CSDE1: variants seen among roughly 807,000 people sequenced by gnomAD.
CSDE1 encodes cold shock domain-containing protein E1.
A neutral mutation model predicts 89.3 loss-of-function variants in CSDE1; 17 were observed. The ratio of observed to expected loss-of-function variants is 0.19; its 90% CI spans 0.13 to 0.29. The LOEUF (loss-of-function observed/expected upper bound fraction) is 0.29. Ranked by LOEUF, CSDE1 falls within the 10% of genes least tolerant of loss-of-function variation. The probability of loss-of-function intolerance (pLI) is 1.00; values close to 1 mark genes in which losing one functional copy is unlikely to be tolerated. For synonymous variants in CSDE1, 322 were observed against 332.8 expected (o/e 0.97, Z 0.35); for missense variants, 672 against 984.2 (o/e 0.68, Z 4.24).
intron 1 of CSDE1, among the ~76,000 whole-genome samples, chr1:114,750,839 G>A (rs755952687): frequency 2.0e-5 from 3 of 152,240 alleles, no homozygotes; most frequent in Non-Finnish European, 4.4e-5. Context: ...AGTCAAGCGA[G>A]AATATGCCAC....
At position 114,738,695 on chromosome 1, in the gene CSDE1, CAG is replaced by C. The variant is rs1294955732; in HGVS notation, c.200-625_200-624del. On this transcript the variant is annotated intron_variant, in intron 3 of 19. Transcript: ENST00000358528. ...TTTTTTTTTTTTTTTTTTTTTGAGA[CAG>C]AGTCTCCCTGTCACCCAAGCTGGAG... is the stretch of plus-strand genomic sequence containing the variant. Among the ~76,000 whole-genome samples the C allele has an allele frequency of 4.2e-3, 353 of 84,306 alleles. 5 individuals are homozygous for C. The highest frequency in any genetic ancestry group is 0.017 in the African/African-American group (334 of 19,362). The allele number at this position is 84,306 out of a possible 152,430, so 55.3% of individuals were successfully genotyped here.
chr1:114,734,694 T>C (rs997737224), intron 6 of CSDE1, among the ~76,000 whole-genome samples, 171 bp from the exon 7 acceptor site: 2 of 152,252 alleles, frequency 1.3e-5, no homozygotes, highest in African/African-American at 4.8e-5. Flanking sequence ...TGGCTTTATA[T>C]GCAAAGGACT....
In CSDE1 at chr1:114,730,510, G is replaced by C; in HGVS notation, c.1189C>G (p.Pro397Ala). ...AACTTTTCTCAGAAACAACTCACAG[G>C]AACCACAGTAAACTCTACTTCATCT... ...IADEVEFTVV[P>A]DMLSAQRNHA... The change falls in exon 11 of 20, where the codon CCT becomes GCT. Residue 397 changes from proline to alanine, a missense_variant and splice_region_variant. Pro to Ala is a conservative substitution (Grantham distance 27). Transcript: ENST00000358528. 1.2e-6 allele frequency: 2 copies of C among 1,613,776 alleles called. No individual in the cohort carries two copies. The highest frequency in any genetic ancestry group is 1.7e-6 in the Non-Finnish European group (2 of 1,179,930).
chr1:114,743,218 G>A (rs1230960901), intron 2 of CSDE1, among the ~76,000 whole-genome samples: 1 of 152,046 alleles, frequency 6.6e-6, no homozygotes, highest in Admixed American at 6.5e-5. Context: ...TTTTGAGATG[G>A]AGTCTCGCTG....
chr1:114,755,686 G>T (rs1319089297), intron 1 of CSDE1, among the ~76,000 whole-genome samples: 1 of 152,202 alleles, frequency 6.6e-6, no homozygotes, highest in Non-Finnish European at 1.5e-5. Flanking sequence ...TTACAAAATA[G>T]ATCTCAAAGT....
At chr1:114,723,789 A>G in intron 16 of CSDE1, 94 bp downstream of exon 16, 1 of 1,559,066 alleles carries the variant, frequency 6.4e-7, no homozygotes, top group South Asian at 1.1e-5. Flanking sequence ...TTAAACCTAA[A>G]AACAACTGCA....
At chr1:114,750,647 A>G (rs1031112415) in intron 1 of CSDE1, among the ~76,000 whole-genome samples, 3 of 152,188 alleles carry the variant, frequency 2.0e-5, no homozygotes, top group African/African-American at 7.2e-5. Flanking sequence ...CTCAATTAGT[A>G]TCTAGGTATC....
intron 1 of CSDE1, among the ~76,000 whole-genome samples, chr1:114,755,291 T>C (rs1661529945): frequency 6.6e-6 from 1 of 152,144 alleles, no homozygotes; most frequent in Non-Finnish European, 1.5e-5. Context: ...AGGAAGTAAA[T>C]GTAAGGGTCT....
At position 114,718,688 on chromosome 1, in the gene CSDE1, C is replaced by T. The variant is rs768428623; in HGVS notation, c.2274G>A (p.Lys758=). The T allele has an allele frequency of 4.5e-5, 73 of 1,614,068 alleles. No individual in the cohort carries two copies. In the Middle Eastern group the frequency reaches 6.6e-4, roughly 15 times the overall value. ...PRPDRLVNRL[K]NITLDDASAP... ...CACTGGCATCATCCAGAGTGATATT[C>T]TTCAAGCGATTGACCAACCGATCAG... is the stretch of plus-strand genomic sequence containing the variant. The change falls in exon 19 of 20, where the codon AAG becomes AAA. Residue 758 remains lysine, a synonymous_variant. Coordinates refer to ENST00000358528, the MANE Select transcript of CSDE1 (RefSeq NM_001007553.3).
At chr1:114,736,977 C>T (rs1660439138) in intron 5 of CSDE1, 122 bp from the exon 6 acceptor site, 2 of 669,468 alleles carry the variant, frequency 3.0e-6, no homozygotes, top group Admixed American at 3.0e-5. Context: ...AAATTAAATG[C>T]TTTATGACAA....
chr1:114,732,229 A>C (rs1660142041), intron 10 of CSDE1, among the ~76,000 whole-genome samples: 1 of 152,168 alleles, frequency 6.6e-6, no homozygotes. Flanking sequence ...CACTGGAGGA[A>C]GAATTGTGTT....
intron 1 of CSDE1, among the ~76,000 whole-genome samples, chr1:114,753,995 A>G (rs1414677971): frequency 6.6e-6 from 1 of 152,232 alleles, no homozygotes; most frequent in East Asian, 1.9e-4. Flanking sequence ...TCTGAGAATC[A>G]TACTGTGTGC....
intron 12 of CSDE1, chr1:114,727,968 G>C (rs1403685727): frequency 6.6e-6 from 1 of 152,116 alleles, no homozygotes; most frequent in Non-Finnish European, 1.5e-5. Flanking sequence ...CTCTAGCCCT[G>C]ACTTCCTTCC....
intron 3 of CSDE1, 128 bp downstream of exon 3, chr1:114,739,563 TA>T: frequency 1.4e-6 from 1 of 710,116 alleles, no homozygotes. Context: ...TATTCTTCAC[TA>T]AACAGTACAA....
chr1:114,724,821 C>T (rs1396263825), intron 15 of CSDE1, among the ~76,000 whole-genome samples: 1 of 152,140 alleles, frequency 6.6e-6, no homozygotes, highest in Non-Finnish European at 1.5e-5. Context: ...CCTACCAGCA[C>T]AAGCGGCCCT....
rs1659310269 is a variant in CSDE1, at chr1:114,718,299, A to C, written c.2350-83T>G. The C allele has an allele frequency of 3.4e-6, 5 of 1,465,086 alleles. No homozygotes were observed. In the South Asian group the frequency reaches 5.9e-5, roughly 17 times the overall value. The allele number at this position is 1,465,086 out of a possible 1,614,324, so 90.8% of individuals were successfully genotyped here. A position where few individuals can be genotyped will look rare whatever the true frequency, so the allele number is the denominator to read the frequency against. ...TAGTACATTCACTATTCCGAAATGAAACTACAAAAGCATTATTTTTAATCA... is the reference window on the plus strand; with the variant it reads ...TAGTACATTCACTATTCCGAAATGACACTACAAAAGCATTATTTTTAATCA... On this transcript the variant is annotated intron_variant, in intron 19 of 19. Transcript: ENST00000358528.
chr1:114,723,100 G>A (rs369934815), intron 16 of CSDE1, among the ~76,000 whole-genome samples: 3 of 151,830 alleles, frequency 2.0e-5, no homozygotes, highest in East Asian at 1.9e-4. Flanking sequence ...CTCGTGATCC[G>A]CCCGCCTCAG....
intron 15 of CSDE1, 106 bp downstream of exon 15, chr1:114,725,115 A>G: frequency 4.6e-6 from 4 of 862,480 alleles, no homozygotes; most frequent in South Asian, 2.9e-5. Flanking sequence ...GGAATCGCAC[A>G]TGAGAATGAC....
chr1:114,731,494 C>T (rs547190308), intron 10 of CSDE1, among the ~76,000 whole-genome samples: 3 of 151,574 alleles, frequency 2.0e-5, no homozygotes, highest in African/African-American at 7.3e-5. Flanking sequence ...TTAAAAAAAA[C>T]TCAAGAAACT....
Sources: allele counts gnomAD v4.1 joint callset (sites outside exome capture counted in the v4.1 genomes callset), GRCh38; gene constraint gnomAD v4.1.1; transcripts MANE v1.5; gene names NCBI Gene and HGNC (gene_info 2026-07-23, HGNC 2026-07-21).